C10orf67: variants seen among roughly 807,000 people sequenced by gnomAD.
C10orf67 encodes chromosome 10 open reading frame 67.
C10orf67 carries 60 observed loss-of-function variants against 35.6 expected under a neutral mutation model. The observed-to-expected ratio is 1.68, with a 90% CI of 1.37 to 2.09. C10orf67 has a LOEUF of 2.09. C10orf67 is among the 30% of genes most tolerant of loss of function. The pLI is 0.00. For synonymous variants in C10orf67, 167 were observed against 115.8 expected, an observed-to-expected ratio of 1.44 and a Z score of -2.84; for missense variants, 474 against 330.2, an observed-to-expected ratio of 1.44 and a Z score of -3.38.
intron 12 of C10orf67, among the ~76,000 whole-genome samples, chr10:23,244,953 T>A (rs769902894): frequency 6.6e-5 from 10 of 152,182 alleles, no homozygotes; most frequent in Non-Finnish European, 1.5e-4. Context: ...TTTGAGAAAC[T>A]ATGTTACAAA....
intron 1 of C10orf67, among the ~76,000 whole-genome samples, chr10:23,337,124 G>C (rs564191847): frequency 2.0e-5 from 3 of 152,100 alleles, no homozygotes; most frequent in Admixed American, 1.3e-4. Context: ...AATCCATACT[G>C]ATATGAATGA....
intron 4 of C10orf67, among the ~76,000 whole-genome samples, chr10:23,305,720 T>C (rs1844250994): frequency 1.3e-5 from 2 of 152,306 alleles, no homozygotes; most frequent in African/African-American, 4.8e-5. Context: ...CCTTGTGCAC[T>C]GTTGATGGGA....
intron 4 of C10orf67, among the ~76,000 whole-genome samples, chr10:23,312,223 G>A (rs1486881101): frequency 6.6e-6 from 1 of 152,108 alleles, no homozygotes; most frequent in African/African-American, 2.4e-5. Context: ...ATAAATAAAT[G>A]CATTAGTTAT....
At chr10:23,212,401 A>G (rs1441682247) in intron 15 of C10orf67, among the ~76,000 whole-genome samples, 1 of 152,208 alleles carries the variant, frequency 6.6e-6, no homozygotes, top group African/African-American at 2.4e-5. Flanking sequence ...TTTCAGCTGC[A>G]GAAACCCATC....
Position 23,291,270 on chromosome 10 carries a change from C to T in C10orf67, c.712G>A (p.Ala238Thr). The T allele has an allele frequency of 1.4e-6, 1 of 713,362 alleles. No individual in the cohort carries two copies. The highest frequency in any genetic ancestry group is 2.6e-6 in the Non-Finnish European group (1 of 384,230). The allele number at this position is 713,362 out of a possible 1,614,324, so 44.2% of individuals were successfully genotyped here. The change falls in exon 6 of 16, where the codon GCC (alanine) becomes ACC (threonine). Residue 238 changes from alanine to threonine, a missense_variant. Transcript: ENST00000636213. ...GATTTTGGAGAGCTGGTTTCTTTGGCAAAAGATTCCTAAAAGATGGAGAAT... is the reference window on the plus strand; with the variant it reads ...GATTTTGGAGAGCTGGTTTCTTTGGTAAAAGATTCCTAAAAGATGGAGAAT... The part of the protein sequence containing the change: ...DFGFHKMESF[A>T]KETSSPKSNL...
intron 2 of C10orf67, among the ~76,000 whole-genome samples, chr10:23,329,616 G>A (rs548625763): frequency 3.0e-4 from 46 of 151,654 alleles, no homozygotes; most frequent in African/African-American, 1.1e-3. Context: ...CCTGGGTAAC[G>A]TAGCAAGACT....
intron 10 of C10orf67, among the ~76,000 whole-genome samples, chr10:23,252,732 TG>T (rs1291769485): frequency 5.3e-5 from 8 of 152,216 alleles, no homozygotes; most frequent in African/African-American, 1.7e-4. Context: ...AGCCTTTTTT[TG>T]TTTTGTTTTG....
chr10:23,301,062 G>T (rs976379416), intron 5 of C10orf67, among the ~76,000 whole-genome samples: 1 of 152,192 alleles, frequency 6.6e-6, no homozygotes, highest in African/African-American at 2.4e-5. Flanking sequence ...GTCTGAGAAA[G>T]AAAAAGGTAC....
intron 13 of C10orf67, among the ~76,000 whole-genome samples, chr10:23,236,960 G>A (rs1263069803): frequency 6.6e-6 from 1 of 152,094 alleles, no homozygotes; most frequent in African/African-American, 2.4e-5. Context: ...TGTATCATGG[G>A]GGTTTGCTGT....
intron 15 of C10orf67, among the ~76,000 whole-genome samples, chr10:23,214,316 C>T (rs893736613): frequency 2.0e-5 from 3 of 151,762 alleles, no homozygotes; most frequent in South Asian, 4.2e-4. Context: ...ATTAATAAGA[C>T]GAGCTAATAG....
intron 5 of C10orf67, among the ~76,000 whole-genome samples, chr10:23,294,725 C>CT (rs563324446): frequency 3.3e-5 from 5 of 151,252 alleles, no homozygotes; most frequent in Non-Finnish European, 5.9e-5. Flanking sequence ...GTTTATTTCA[C>CT]TTTTTTTTTC....
intron 10 of C10orf67, among the ~76,000 whole-genome samples, chr10:23,256,909 T>C (rs1305566701): frequency 6.6e-6 from 1 of 152,096 alleles, no homozygotes; most frequent in African/African-American, 2.4e-5. Flanking sequence ...AGGTGATCAG[T>C]GGTTGATGCT....
chr10:23,318,484 A>C (rs765473109), intron 4 of C10orf67: 13 of 167,476 alleles, frequency 7.8e-5, no homozygotes, highest in Non-Finnish European at 1.5e-4. Flanking sequence ...ACTTCTTTTG[A>C]CGTTAACTTA....
chr10:23,247,058 T>A (rs1359333775), intron 12 of C10orf67, among the ~76,000 whole-genome samples: 1 of 152,154 alleles, frequency 6.6e-6, no homozygotes, highest in Non-Finnish European at 1.5e-5. Context: ...TCAAAAAGTT[T>A]TAAAAATTAG....
At chr10:23,331,206 AAG>A (rs200258620) in intron 2 of C10orf67, among the ~76,000 whole-genome samples, 18 of 4,218 alleles carry the variant, frequency 4.3e-3, no homozygotes, top group Admixed American at 6.8e-3. Flanking sequence ...AAGGGAAGGG[AAG>A]AGGGAAGGGA....
At chr10:23,228,185 AACTAT>A (rs1841797684) in intron 13 of C10orf67, among the ~76,000 whole-genome samples, 1 of 152,220 alleles carries the variant, frequency 6.6e-6, no homozygotes, top group Non-Finnish European at 1.5e-5. Context: ...CCTGACTTCA[AACTAT>A]ACTACAAGGC....
intron 4 of C10orf67, among the ~76,000 whole-genome samples, chr10:23,303,771 G>A (rs1031520101): frequency 5.3e-5 from 8 of 152,216 alleles, no homozygotes; most frequent in African/African-American, 1.9e-4. Flanking sequence ...GAGCGAGATG[G>A]AAGATTAGGA....
chr10:23,227,335 AC>A (rs1841768844), intron 13 of C10orf67, among the ~76,000 whole-genome samples: 3 of 152,162 alleles, frequency 2.0e-5, no homozygotes, highest in Admixed American at 6.5e-5. Context: ...AAAGACAAAA[AC>A]CACATGATTA....
chr10:23,272,246 T>C (rs988711863), intron 8 of C10orf67, among the ~76,000 whole-genome samples: 23 of 152,226 alleles, frequency 1.5e-4, no homozygotes, highest in African/African-American at 5.3e-4. Flanking sequence ...TAAACTGTAA[T>C]TTGTTATTTA....
Sources: allele counts gnomAD v4.1 joint callset (sites outside exome capture counted in the v4.1 genomes callset), GRCh38; gene constraint gnomAD v4.1.1; transcripts MANE v1.5; gene names NCBI Gene and HGNC (gene_info 2026-07-23, HGNC 2026-07-21).